The following DNM1L variants were observed in gnomAD, a reference collection of about 807,000 sequenced individuals.
The protein encoded by DNM1L is dynamin 1L.
A neutral mutation model predicts 92.8 loss-of-function variants in DNM1L; 33 were observed. The ratio of observed to expected loss-of-function variants is 0.36; its 90% CI spans 0.27 to 0.48. The LOEUF is 0.48. DNM1L is among the 20% of genes least tolerant of loss of function. The pLI is 0.99. For synonymous variants in DNM1L, 284 were observed against 305.0 expected (o/e 0.93, Z 0.72); for missense variants, 485 against 888.8 (o/e 0.55, Z 5.78).
intron 1 of DNM1L, 28 bp downstream of exon 1, chr12:32,679,493 G>C (rs540976767): frequency 6.3e-7 from 1 of 1,593,206 alleles, no homozygotes; most frequent in South Asian, 1.1e-5. Flanking sequence ...CGTTCGCTCG[G>C]GCCAGACCCC....
In DNM1L at chr12:32,717,736, C is replaced by T. The variant is rs143650058; in HGVS notation, c.620-907C>T. On this transcript the variant is annotated intron_variant, in intron 6 of 19. Transcript: ENST00000549701. ...TAGGTAGATATATATATAAAAAATA[C>T]ATATACCTAGGTAGATATATATATA... Among the ~76,000 whole-genome samples the T allele has an allele frequency of 3.0e-3, 227 of 76,616 alleles. 36 individuals carry two copies. Among genetic ancestry groups the T allele is most frequent in the African/African-American group, 9.1e-3 (158 of 17,366 alleles). The allele number at this position is 76,616 out of a possible 152,430, so 50.3% of individuals were successfully genotyped here.
chr12:32,717,903 G>GTATATATATAAAATATAGTATATATTTTA (rs1289599069), intron 6 of DNM1L, among the ~76,000 whole-genome samples: 39 of 79,468 alleles, frequency 4.9e-4, no homozygotes, highest in South Asian at 9.1e-4. Flanking sequence ...ACTATATATA[G>GTATATATATAAAATATAGTATATATTTTA]TATATATATA....
At chr12:32,680,738 C>CAT (rs1211824807) in intron 1 of DNM1L, among the ~76,000 whole-genome samples, 4 of 152,162 alleles carry the variant, frequency 2.6e-5, no homozygotes, top group African/African-American at 4.8e-5. Context: ...CAGTCTGGGA[C>CAT]ATATAGTAAG....
intron 2 of DNM1L, among the ~76,000 whole-genome samples, chr12:32,703,333 A>G (rs998460785): frequency 6.6e-6 from 1 of 151,984 alleles, no homozygotes; most frequent in Non-Finnish European, 1.5e-5. Context: ...TTTTGTATAT[A>G]TATTTGCTTA....
At chr12:32,710,832 A>G (rs1233237948) in intron 4 of DNM1L, 97 bp from the exon 5 acceptor site, 1 of 1,057,380 alleles carries the variant, frequency 9.5e-7, no homozygotes, top group Non-Finnish European at 1.4e-6. Context: ...TCATGATTTA[A>G]TTCATTTTTA....
At chr12:32,683,407 G>A (rs893385762) in intron 1 of DNM1L, among the ~76,000 whole-genome samples, 2 of 150,632 alleles carry the variant, frequency 1.3e-5, no homozygotes, top group Admixed American at 1.3e-4. Context: ...ATTTAAAATC[G>A]CTGCCTTACT....
chr12:32,682,068 A>C (rs952688508), intron 1 of DNM1L, among the ~76,000 whole-genome samples: 1 of 152,050 alleles, frequency 6.6e-6, no homozygotes, highest in Admixed American at 6.6e-5. Context: ...AAATGGCTTC[A>C]GTTTCTATCT....
rs1163877279 is a variant in DNM1L, at chr12:32,744,694, C to A, written c.*1284C>A. ...TGCCATTGCACTCCAGCCTTGGCAACAAGAGCGAAACTCCGTCTCAAAAAA... is the reference window on the plus strand; with the variant it reads ...TGCCATTGCACTCCAGCCTTGGCAAAAAGAGCGAAACTCCGTCTCAAAAAA... On this transcript the variant is annotated 3_prime_UTR_variant, in exon 20 of 20. Transcript: ENST00000549701. The A allele has an allele frequency of 2.9e-6, 1 of 350,440 alleles. No homozygotes were observed. Among genetic ancestry groups the A allele is most frequent in the Non-Finnish European group, 5.4e-6 (1 of 184,082 alleles). 21.7% of individuals were successfully genotyped at this position (350,440 alleles called of 1,614,324 possible).
chr12:32,700,371 C>T (rs1293598241), intron 1 of DNM1L, among the ~76,000 whole-genome samples: 1 of 152,154 alleles, frequency 6.6e-6, no homozygotes, highest in Non-Finnish European at 1.5e-5. Flanking sequence ...CTGCCCGCCT[C>T]AGCCTCCCAA....
rs112520214 is a variant in DNM1L, at chr12:32,736,968, T to C, written c.1540-137T>C. 4,471 of 780,294 alleles carry C rather than the reference T, an allele frequency of 5.7e-3. 72 individuals are homozygous for C. The highest frequency in any genetic ancestry group is 0.032 in the East Asian group (1,156 of 36,528). The allele number at this position is 780,294 out of a possible 1,614,324, so 48.3% of individuals were successfully genotyped here. ...ATTTCTTATTTATTTTAAAATATGA[T>C]AATTATGGCATGAGTCCCAACAGTG... On this transcript the variant is annotated intron_variant, in intron 13 of 19. Transcript: ENST00000549701.
intron 2 of DNM1L, among the ~76,000 whole-genome samples, chr12:32,702,567 A>G (rs1410298470): frequency 1.3e-5 from 2 of 152,132 alleles, no homozygotes; most frequent in Non-Finnish European, 2.9e-5. Flanking sequence ...ATGCAGTTTT[A>G]TTCTACTTCT....
At chr12:32,737,219 G>C in intron 14 of DNM1L, 58 bp downstream of exon 14, 1 of 1,570,480 alleles carries the variant, frequency 6.4e-7, no homozygotes, top group Middle Eastern at 1.7e-4. Flanking sequence ...GATGAGCTCA[G>C]AATATTACTC....
chr12:32,679,522 T>G (rs1951719814), intron 1 of DNM1L, 57 bp downstream of exon 1: 1 of 1,538,768 alleles, frequency 6.5e-7, no homozygotes, highest in Non-Finnish European at 8.9e-7. Context: ...GCCTGGTCGG[T>G]GCTGCGGCAG....
At chr12:32,691,995 GAGAATC>G (rs1180733403) in intron 1 of DNM1L, among the ~76,000 whole-genome samples, 1 of 137,778 alleles carries the variant, frequency 7.3e-6, no homozygotes, top group Admixed American at 7.1e-5. Context: ...AAACGGGAAA[GAGAATC>G]AGACTGGCAT....
chr12:32,696,396 A>T (rs989866061), intron 1 of DNM1L, among the ~76,000 whole-genome samples: 27 of 150,856 alleles, frequency 1.8e-4, no homozygotes, highest in African/African-American at 5.8e-4. Flanking sequence ...ACACACACAC[A>T]CACACACACA....
rs1954531210 is a variant in DNM1L at position 32,731,196 on chromosome 12, A to G, written c.1200+62A>G. The G allele has an allele frequency of 6.2e-7, 1 of 1,606,732 alleles. No individual in the cohort carries two copies. Among genetic ancestry groups the G allele is most frequent in the African/African-American group, 1.3e-5 (1 of 74,710 alleles). On this transcript the variant is annotated intron_variant, in intron 10 of 19. Coordinates refer to ENST00000549701, the MANE Select transcript of DNM1L (RefSeq NM_012062.5). This position sits in a 1 kb window ranked among gnomAD's most constrained non-coding sequence, Gnocchi z 5.1. ...TGAGGTTAAAGTTTTTCTTACCCAT[A>G]TACTGTGTCTTTTTAAATTTAATTA... is the stretch of plus-strand genomic sequence containing the variant.
At position 32,731,225 on chromosome 12, in the gene DNM1L, A is replaced by G. The variant is rs1954534398; in HGVS notation, c.1200+91A>G. 6.3e-6 allele frequency: 10 copies of G among 1,592,920 alleles called. No homozygotes were observed. The highest frequency in any genetic ancestry group is 1.7e-5 in the Admixed American group (1 of 58,060). On this transcript the variant is annotated intron_variant, in intron 10 of 19. Transcript: ENST00000549701. This position sits in a 1 kb window ranked among gnomAD's most constrained non-coding sequence, Gnocchi z 5.1. Reference sequence around the variant, plus strand: ...TGTGTCTTTTTAAATTTAATTATACAGTTTATTTTGCTCTCATATTTGAAA... The same window carrying G: ...TGTGTCTTTTTAAATTTAATTATACGGTTTATTTTGCTCTCATATTTGAAA...
chr12:32,718,778 T>A lies in DNM1L; in HGVS notation c.740+15T>A. 2 of 1,613,116 alleles carry A rather than the reference T, an allele frequency of 1.2e-6. No homozygotes were observed. Among genetic ancestry groups the A allele is most frequent in the Non-Finnish European group, 1.7e-6 (2 of 1,179,388 alleles). ...GTAGTTAACAGGTTAGCAGTTAGAATGGGATAAGAATTGGGATAAGCATTC... is the reference window on the plus strand; with the variant it reads ...GTAGTTAACAGGTTAGCAGTTAGAAAGGGATAAGAATTGGGATAAGCATTC... On this transcript the variant is annotated intron_variant, in intron 7 of 19. Transcript: ENST00000549701.
intron 1 of DNM1L, chr12:32,692,499 T>C (rs1470094570): frequency 1.3e-5 from 2 of 152,756 alleles, no homozygotes; most frequent in South Asian, 2.1e-4. Flanking sequence ...GCAGTTCATA[T>C]CATTTTATTC....
Sources: allele counts gnomAD v4.1 joint callset (sites outside exome capture counted in the v4.1 genomes callset), GRCh38; gene constraint gnomAD v4.1.1; non-coding constraint Gnocchi (gnomAD v3.1); transcripts MANE v1.5; gene names NCBI Gene and HGNC (gene_info 2026-07-23, HGNC 2026-07-21).